KL: variants seen among roughly 807,000 people sequenced by gnomAD.
KL encodes the protein klotho, also known as alpha-klotho.
KL carries 62 observed loss-of-function variants against 84.2 expected under a neutral mutation model. The ratio of observed to expected loss-of-function variants is 0.74; its 90% CI spans 0.60 to 0.91. KL has a LOEUF of 0.91. Ranked by LOEUF, KL falls within the 40% of genes least tolerant of loss-of-function variation. KL has a pLI of 0.00. For missense variants in KL, 1,261 were observed against 1,305.7 expected, an observed-to-expected ratio of 0.97 and a Z score of 0.53; for synonymous variants, 528 against 528.0, an observed-to-expected ratio of 1.00 and a Z score of 0.00.
chr13:33,050,751 C>A (rs575488124), intron 1 of KL, among the ~76,000 whole-genome samples: 1 of 152,282 alleles, frequency 6.6e-6, no homozygotes, highest in African/African-American at 2.4e-5. Flanking sequence ...ATGAGGTGAG[C>A]AGTTAATCCA....
chr13:33,062,909 G>T (rs1033041472), intron 4 of KL, among the ~76,000 whole-genome samples: 1 of 152,034 alleles, frequency 6.6e-6, no homozygotes. Context: ...ATATGTATGG[G>T]TTAGGGAATG....
chr13:33,047,197 C>G (rs1303584119), intron 1 of KL, among the ~76,000 whole-genome samples: 3 of 152,052 alleles, frequency 2.0e-5, no homozygotes, highest in African/African-American at 7.2e-5. Context: ...TTCAAAGCCT[C>G]CATTTTGTTA....
Position 33,060,854 on chromosome 13 carries a change from AT to A in KL, c.1779del (p.Arg594AlafsTer8), listed in dbSNP as rs749541029. ...TTACTCCAGGAAATGCACGTTACACATTTTCGCTTCTCCCTGGACTGGGCCC... is the reference window on the plus strand; with the variant it reads ...TTACTCCAGGAAATGCACGTTACACATTTCGCTTCTCCCTGGACTGGGCCC... ...IALLQEMHVT[H>X]FRFSLDWALI... On this transcript the variant is annotated frameshift_variant, in exon 4 of 5. Coordinates refer to ENST00000380099, the MANE Select transcript of KL (RefSeq NM_004795.4). LOFTEE classifies it high-confidence loss of function. 2.5e-6 allele frequency: 4 copies of A among 1,614,146 alleles called. No individual in the cohort carries two copies. The highest frequency in any genetic ancestry group is 3.4e-6 in the Non-Finnish European group (4 of 1,180,014).
At chr13:33,055,453 G>A (rs927843367) in intron 3 of KL, 138 bp downstream of exon 3, 2 of 1,021,924 alleles carry the variant, frequency 2.0e-6, no homozygotes, top group Non-Finnish European at 1.5e-6. Flanking sequence ...TACACTAAGG[G>A]CACAATTTGG....
intron 1 of KL, among the ~76,000 whole-genome samples, chr13:33,027,137 C>A (rs1870807400): frequency 1.3e-5 from 2 of 152,278 alleles, no homozygotes; most frequent in East Asian, 3.9e-4. Flanking sequence ...AGGACCCCAG[C>A]GCTACTCCTC....
intron 1 of KL, among the ~76,000 whole-genome samples, chr13:33,028,929 T>C (rs1027541871): frequency 2.0e-5 from 3 of 152,210 alleles, no homozygotes; most frequent in African/African-American, 7.2e-5. Flanking sequence ...GGATACTTCC[T>C]GAAGTGTGGA....
At chr13:33,047,213 A>G (rs1841539530) in intron 1 of KL, among the ~76,000 whole-genome samples, 1 of 152,174 alleles carries the variant, frequency 6.6e-6, no homozygotes, top group African/African-American at 2.4e-5. Flanking sequence ...TGTTATTAAT[A>G]TAACCATGCC....
chr13:33,058,436 G>C (rs1872048456), intron 3 of KL, among the ~76,000 whole-genome samples: 1 of 151,334 alleles, frequency 6.6e-6, no homozygotes, highest in Non-Finnish European at 1.5e-5. Flanking sequence ...CGCCTCCTAA[G>C]GTCACGCCAT....
intron 4 of KL, among the ~76,000 whole-genome samples, chr13:33,063,607 C>G (rs932642118): frequency 4.6e-5 from 7 of 151,430 alleles, no homozygotes; most frequent in African/African-American, 1.2e-4. Flanking sequence ...CCCATCTCTA[C>G]TAAAAAAAAA....
At chr13:33,021,111 G>A (rs909235489) in intron 1 of KL, among the ~76,000 whole-genome samples, 1 of 152,140 alleles carries the variant, frequency 6.6e-6, no homozygotes, top group Non-Finnish European at 1.5e-5. Context: ...ATGGCATCTT[G>A]CCCTCCCTTG....
chr13:33,062,989 CA>C (rs1175024017), intron 4 of KL, among the ~76,000 whole-genome samples: 1 of 151,884 alleles, frequency 6.6e-6, no homozygotes, highest in Non-Finnish European at 1.5e-5. Flanking sequence ...GACACATGCA[CA>C]GAAAATGGTG....
intron 3 of KL, among the ~76,000 whole-genome samples, chr13:33,058,619 C>T (rs544710193): frequency 3.9e-5 from 6 of 152,188 alleles, no homozygotes; most frequent in Admixed American, 6.5e-5. Flanking sequence ...GGATTACAGG[C>T]GTGAGCCACC....
chr13:33,033,537 T>C (rs1367441366), intron 1 of KL, among the ~76,000 whole-genome samples: 1 of 152,056 alleles, frequency 6.6e-6, no homozygotes, highest in Non-Finnish European at 1.5e-5. Flanking sequence ...TATTTTTTTT[T>C]ACTCTTCTCC....
chr13:33,064,069 T>C lies in KL; in HGVS notation c.2922T>C (p.Ser974=). The C allele has an allele frequency of 6.2e-7, 1 of 1,614,084 alleles. No individual in the cohort carries two copies. ...PEEFTVCTEC[S]FFHTRKSLLA... ...AATTCACCGTGTGTACTGAGTGCAG[T>C]TTTTTTCACACCCGAAAGTCTTTAC... Residue 974 remains serine (S), a synonymous_variant, in exon 5 of 5, where the codon AGT becomes AGC. Coordinates refer to ENST00000380099, the MANE Select transcript of KL (RefSeq NM_004795.4).
Position 33,060,966 on chromosome 13 carries a change from C to A in KL, c.1887C>A (p.Val629=). 1 of 1,611,734 alleles carries A rather than the reference C, an allele frequency of 6.2e-7. No individual in the cohort carries two copies. Among genetic ancestry groups the A allele is most frequent in the Non-Finnish European group, 8.5e-7 (1 of 1,178,140 alleles). Residue 629 remains valine (V), a synonymous_variant, in exon 4 of 5, where the codon GTC becomes GTA. Coordinates refer to ENST00000380099, the MANE Select transcript of KL (RefSeq NM_004795.4). ...YRCMASELVR[V]NITPVVALWQ... The stretch of plus-strand genomic sequence containing the variant: ...GCATGGCCAGCGAGCTTGTCCGTGT[C>A]AACATCACCCCAGTGGTGGCCCTGT...
At chr13:33,033,753 T>C (rs1440942449) in intron 1 of KL, among the ~76,000 whole-genome samples, 7 of 151,888 alleles carry the variant, frequency 4.6e-5, no homozygotes. Context: ...CGGAGAAGAC[T>C]GACTACTTCT....
At chr13:33,059,830 T>A (rs1480409719) in intron 3 of KL, among the ~76,000 whole-genome samples, 1 of 152,202 alleles carries the variant, frequency 6.6e-6, no homozygotes, top group Non-Finnish European at 1.5e-5. Context: ...TCACTGACCC[T>A]AAACCCAACA....
chr13:33,055,860 G>T lies in KL; in HGVS notation c.1599+545G>T, dbSNP rs139583641. Among the ~76,000 whole-genome samples, 3 of 152,348 alleles carry T rather than the reference G, an allele frequency of 2.0e-5. No homozygotes were observed. In the East Asian group the frequency reaches 5.8e-4, roughly 29 times the overall value. ...AAATGATACGAAATTTCTTCAGAAT[G>T]ATCAACCAATATTTATTGAGCATCT... is the stretch of plus-strand genomic sequence containing the variant. On this transcript the variant is annotated intron_variant, in intron 3 of 4. Transcript: ENST00000380099.
chr13:33,020,954 C>T (rs1378411140), intron 1 of KL, among the ~76,000 whole-genome samples: 1 of 152,158 alleles, frequency 6.6e-6, no homozygotes, highest in Non-Finnish European at 1.5e-5. Context: ...GCCTGAATGC[C>T]ATCTCTTCCT....
Sources: allele counts gnomAD v4.1 joint callset (sites outside exome capture counted in the v4.1 genomes callset), GRCh38; gene constraint gnomAD v4.1.1; transcripts MANE v1.5; gene names NCBI Gene and HGNC (gene_info 2026-07-23, HGNC 2026-07-21).